The following WNT9B variants were observed in gnomAD, a reference collection of about 807,000 sequenced individuals.
The protein encoded by WNT9B is Wnt family member 9B.
WNT9B carries 12 observed loss-of-function variants against 30.2 expected under a neutral mutation model. The ratio of observed to expected loss-of-function variants is 0.40; its 90% CI spans 0.26 to 0.64. The LOEUF (loss-of-function observed/expected upper bound fraction) is 0.64, where lower values mean the gene tolerates loss of function less well. Ranked by LOEUF, WNT9B falls within the 30% of genes least tolerant of loss-of-function variation. WNT9B has a pLI of 0.42. For synonymous variants in WNT9B, 218 were observed against 216.9 expected (o/e 1.01, Z -0.05); for missense variants, 442 against 485.2 (o/e 0.91, Z 0.84).
chr17:46,851,686 G>A lies in WNT9B; in HGVS notation c.48G>A (p.Ala16=), dbSNP rs1247506322. Residue 16 remains alanine (A), a synonymous_variant, in exon 1 of 4, where the codon GCG becomes GCA. Coordinates refer to ENST00000290015, the MANE Select transcript of WNT9B (RefSeq NM_003396.3). The surrounding 1 kb of genome is among the most constrained non-coding windows in gnomAD (Gnocchi z 4.3). ...ALALAGLCLL[A]LPAAAASYFG... ...CCCTGGCCGGGCTCTGCCTGCTGGC[G>A]CTGCCCGCCGCCGCCGCCTCCTACT... The A allele has an allele frequency of 1.5e-6, 2 of 1,305,320 alleles. No individual in the cohort carries two copies. The highest frequency in any genetic ancestry group is 2.4e-5 in the South Asian group (1 of 42,538). 80.9% of individuals were successfully genotyped at this position (1,305,320 alleles called of 1,614,324 possible). A position where few individuals can be genotyped will look rare whatever the true frequency, so the allele number is the denominator to read the frequency against.
intron 1 of WNT9B, among the ~76,000 whole-genome samples, chr17:46,859,884 T>C (rs1404804732): frequency 6.6e-6 from 1 of 152,248 alleles, no homozygotes; most frequent in Non-Finnish European, 1.5e-5. Flanking sequence ...TTTCTAGTTT[T>C]CAGTGTGCAG....
At chr17:46,885,253 G>A (rs187317337), downstream of WNT9B, 1,871 of 292,620 alleles carry the variant, frequency 6.4e-3, 9 homozygotes, top group Non-Finnish European at 8.6e-3. Flanking sequence ...TGATCCACCC[G>A]CCTCGGCCTC....
At chr17:46,872,875 C>T in intron 2 of WNT9B, 102 bp downstream of exon 2, 1 of 1,348,436 alleles carries the variant, frequency 7.4e-7, no homozygotes, top group Non-Finnish European at 9.9e-7. Flanking sequence ...GCTCCCGTGC[C>T]CAGGCCACAC....
chr17:46,874,967 T>G, intron 2 of WNT9B, 134 bp from the exon 3 acceptor site: 3 of 1,393,424 alleles, frequency 2.2e-6, no homozygotes, highest in Non-Finnish European at 3.1e-6. Context: ...TCAAGCCACA[T>G]TCTCTTGTCC....
At chr17:46,844,733 A>C (rs2084754837) in intron 1 of WNT9B, among the ~76,000 whole-genome samples, 1 of 152,184 alleles carries the variant, frequency 6.6e-6, no homozygotes. Flanking sequence ...AATCTATAGG[A>C]TGTTATTTAT....
chr17:46,850,006 C>G (rs1020195399), upstream of WNT9B, among the ~76,000 whole-genome samples: 58 of 152,308 alleles, frequency 3.8e-4, no homozygotes, highest in African/African-American at 1.2e-3. Context: ...CACTGCCACA[C>G]CCGGCTAATG....
intron 1 of WNT9B, among the ~76,000 whole-genome samples, chr17:46,839,918 TTCTTTC>T (rs2084680384): frequency 1.3e-5 from 1 of 76,100 alleles, no homozygotes; most frequent in Non-Finnish European, 2.8e-5. Context: ...TCTCTTTTCT[TTCTTTC>T]TTTCTTTCTT....
intron 2 of WNT9B, among the ~76,000 whole-genome samples, chr17:46,874,062 G>A (rs187512317): frequency 7.9e-5 from 12 of 151,858 alleles, no homozygotes; most frequent in South Asian, 4.2e-4. Flanking sequence ...TGCTCTCCAC[G>A]GTCTGCAGCC....
intron 1 of WNT9B, among the ~76,000 whole-genome samples, chr17:46,845,919 T>C (rs1180851205): frequency 6.6e-6 from 1 of 151,618 alleles, no homozygotes; most frequent in Admixed American, 6.6e-5. Flanking sequence ...GCCATCTGAG[T>C]AGCTGGGATT....
At chr17:46,873,192 C>T (rs534332124) in intron 2 of WNT9B, among the ~76,000 whole-genome samples, 7 of 152,106 alleles carry the variant, frequency 4.6e-5, no homozygotes, top group South Asian at 2.1e-4. Context: ...CCCGATGACA[C>T]GAGCCAGGCG....
chr17:46,848,249 G>A (rs541472310), upstream of WNT9B, among the ~76,000 whole-genome samples: 2 of 152,194 alleles, frequency 1.3e-5, no homozygotes, highest in East Asian at 1.9e-4. Flanking sequence ...CATGGAGCCC[G>A]TGTCCGAGCC....
intron 1 of WNT9B, among the ~76,000 whole-genome samples, chr17:46,856,057 T>A (rs2084933119): frequency 6.6e-6 from 1 of 152,224 alleles, no homozygotes; most frequent in Admixed American, 6.5e-5. Flanking sequence ...TGCAAGTTTT[T>A]AAATCATAAT....
intron 3 of WNT9B, among the ~76,000 whole-genome samples, chr17:46,875,925 C>T (rs2146610430): frequency 6.6e-6 from 1 of 152,296 alleles, no homozygotes; most frequent in Non-Finnish European, 1.5e-5. Context: ...GAGTTGTCAT[C>T]ACTGAGTTGT....
intron 1 of WNT9B, among the ~76,000 whole-genome samples, chr17:46,833,998 C>A (rs1016678761): frequency 6.6e-6 from 1 of 152,046 alleles, no homozygotes; most frequent in Non-Finnish European, 1.5e-5. Context: ...GAGTTTGAGA[C>A]CAACCTGGGC....
In WNT9B at chr17:46,872,809, G is replaced by A. The variant is rs200298975; in HGVS notation, c.334+36G>A. On this transcript the variant is annotated intron_variant, in intron 2 of 3. Coordinates refer to ENST00000290015, the MANE Select transcript of WNT9B (RefSeq NM_003396.3). ...GGGCTAGGGGACGGGGAGGGCTGGG[G>A]GAAGAAGCCTTCAGGGAGGAGGAGG... 8 of 1,481,028 alleles carry A rather than the reference G, an allele frequency of 5.4e-6. No individual in the cohort carries two copies. In the East Asian group the frequency reaches 1.2e-4, roughly 22 times the overall value. 91.7% of individuals were successfully genotyped at this position (1,481,028 alleles called of 1,614,324 possible).
At chr17:46,870,065 C>T (rs1274887900) in intron 1 of WNT9B, among the ~76,000 whole-genome samples, 2 of 152,076 alleles carry the variant, frequency 1.3e-5, no homozygotes, top group Non-Finnish European at 2.9e-5. Flanking sequence ...ATATAATAAT[C>T]ATAGCTATTA....
At chr17:46,840,757 G>A (rs1315806708) in intron 1 of WNT9B, among the ~76,000 whole-genome samples, 4 of 152,214 alleles carry the variant, frequency 2.6e-5, no homozygotes, top group African/African-American at 9.6e-5. Context: ...GACCAGTGAT[G>A]ATGAGCATTT....
At chr17:46,884,923 G>T (rs2085470717), downstream of WNT9B, 15 of 347,098 alleles carry the variant, frequency 4.3e-5, no homozygotes, top group South Asian at 3.0e-4. Context: ...AGTGAAATTT[G>T]TGAACTCCCC....
chr17:46,847,987 T>TGTGG (rs2084796196), upstream of WNT9B, among the ~76,000 whole-genome samples: 1 of 151,860 alleles, frequency 6.6e-6, no homozygotes, highest in South Asian at 2.1e-4. Flanking sequence ...TGTGTGTGTG[T>TGTGG]GTGTGTGTGC....
Sources: allele counts gnomAD v4.1 joint callset (sites outside exome capture counted in the v4.1 genomes callset), GRCh38; gene constraint gnomAD v4.1.1; non-coding constraint Gnocchi (gnomAD v3.1); transcripts MANE v1.5; gene names NCBI Gene and HGNC (gene_info 2026-07-23, HGNC 2026-07-21).